Variants in ROBO1 observed in about 807,000 individuals in gnomAD.
ROBO1 encodes roundabout homolog 1.
Under a neutral mutation model 195.9 loss-of-function variants are expected in ROBO1, and 149 were observed. The ratio of observed to expected loss-of-function variants is 0.76; its 90% CI spans 0.67 to 0.87. The LOEUF (loss-of-function observed/expected upper bound fraction) is 0.87. Ranked by LOEUF, ROBO1 falls within the 40% of genes least tolerant of loss-of-function variation. The pLI, the probability that ROBO1 is intolerant of heterozygous loss-of-function variation, is 0.00. For missense variants in ROBO1, 1,933 were observed against 2,068.3 expected (o/e 0.93, Z 1.27); for synonymous variants, 816 against 733.2 (o/e 1.11, Z -1.82).
intron 3 of ROBO1, among the ~76,000 whole-genome samples, chr3:79,080,321 G>T (rs2108459945): frequency 1.3e-5 from 2 of 151,842 alleles, no homozygotes; most frequent in Middle Eastern, 3.4e-3. Flanking sequence ...GAAATTGAGA[G>T]CTGTCTTCTC....
intron 1 of ROBO1, among the ~76,000 whole-genome samples, chr3:79,740,034 A>G (rs3924599): frequency 0.59 from 88,536 of 150,996 alleles, 26,140 homozygotes; most frequent in South Asian, 0.69. Context: ...TTATTTTATG[A>G]CATAGCATTT....
At chr3:79,504,667 C>T (rs1026933119) in intron 2 of ROBO1, among the ~76,000 whole-genome samples, 1 of 152,088 alleles carries the variant, frequency 6.6e-6, no homozygotes, top group Non-Finnish European at 1.5e-5. Flanking sequence ...ATACTTATCT[C>T]TTAATTACTT....
chr3:78,670,697 T>C (rs1056441887), intron 10 of ROBO1, among the ~76,000 whole-genome samples: 1 of 152,128 alleles, frequency 6.6e-6, no homozygotes, highest in Non-Finnish European at 1.5e-5. Context: ...ATGAGATAAA[T>C]TTTAATAAAT....
At chr3:79,765,286 T>C (rs1349461596) in intron 1 of ROBO1, among the ~76,000 whole-genome samples, 1 of 152,230 alleles carries the variant, frequency 6.6e-6, no homozygotes, top group Non-Finnish European at 1.5e-5. Flanking sequence ...TTAGATATCC[T>C]AATTTTTATC....
chr3:78,648,632 ACT>A (rs1398834406), intron 19 of ROBO1, among the ~76,000 whole-genome samples: 1 of 151,742 alleles, frequency 6.6e-6, no homozygotes, highest in Non-Finnish European at 1.5e-5. Flanking sequence ...GAGGAGATTG[ACT>A]TATTTCCAAT....
rs147500752 is a variant in ROBO1, at chr3:79,038,703, A to G, written c.172+86753T>C. 2.4e-4 allele frequency among the ~76,000 whole-genome samples: 36 copies of G among 149,804 alleles called. 1 individual carries two copies. The East Asian group carries it at 6.4e-3, about 27-fold the overall frequency. On this transcript the variant is annotated intron_variant, in intron 3 of 30. Transcript: ENST00000464233. Reference sequence around the variant, plus strand: ...TCTATGAAACATTAAAACTGCAAGCAAAGTCCAATTTAAAAAAAAAAAAAA... The same window carrying G: ...TCTATGAAACATTAAAACTGCAAGCGAAGTCCAATTTAAAAAAAAAAAAAA...
intron 2 of ROBO1, among the ~76,000 whole-genome samples, chr3:79,373,280 GTT>G (rs149920748): frequency 6.7e-6 from 1 of 149,614 alleles, no homozygotes; most frequent in South Asian, 2.1e-4. Context: ...TGTAAAACAC[GTT>G]TTTTTTTTCC....
intron 1 of ROBO1, among the ~76,000 whole-genome samples, chr3:79,732,473 C>G (rs1401764456): frequency 6.6e-6 from 1 of 152,104 alleles, no homozygotes; most frequent in Non-Finnish European, 1.5e-5. Context: ...AATAAAATTT[C>G]TTCCATGACT....
At chr3:78,655,025 A>C (rs1194603483) in intron 18 of ROBO1, among the ~76,000 whole-genome samples, 1 of 152,220 alleles carries the variant, frequency 6.6e-6, no homozygotes, top group African/African-American at 2.4e-5. Flanking sequence ...CAGATGCATC[A>C]AGCAACTTAT....
chr3:78,896,275 A>G (rs562632153), intron 4 of ROBO1, among the ~76,000 whole-genome samples: 2 of 152,168 alleles, frequency 1.3e-5, no homozygotes, highest in Non-Finnish European at 2.9e-5. Context: ...GGAGATAGTA[A>G]CAACACTCAA....
intron 8 of ROBO1, among the ~76,000 whole-genome samples, chr3:78,695,473 A>C (rs532203928): frequency 2.0e-5 from 3 of 151,772 alleles, no homozygotes; most frequent in Non-Finnish European, 4.4e-5. Flanking sequence ...AAATTACAAA[A>C]AGTTACCCAG....
chr3:79,450,141 C>G (rs1189824448), intron 2 of ROBO1, among the ~76,000 whole-genome samples: 1 of 149,240 alleles, frequency 6.7e-6, no homozygotes, highest in Non-Finnish European at 1.5e-5. Flanking sequence ...AAAAAAAAGA[C>G]TGGGGTAAGG....
At chr3:79,311,323 C>G (rs1029885131) in intron 2 of ROBO1, among the ~76,000 whole-genome samples, 1 of 152,166 alleles carries the variant, frequency 6.6e-6, no homozygotes, top group Middle Eastern at 3.4e-3. Flanking sequence ...AAGCAATATT[C>G]TATATCATAA....
At position 78,787,649 on chromosome 3, in the gene ROBO1, A is replaced by G. The variant is rs891847609; in HGVS notation, c.500-40749T>C. 2.0e-5 allele frequency among the ~76,000 whole-genome samples: 3 copies of G among 152,192 alleles called. No homozygotes were observed. The South Asian group carries it at 6.2e-4, about 31-fold the overall frequency. ...ACAGCTAGTTTAAAAATTACAGTGG[A>G]AAAGATCACTCTGGTCAGGTGCGGT... On this transcript the variant is annotated intron_variant, in intron 4 of 30. Coordinates refer to ENST00000464233, the MANE Select transcript of ROBO1 (RefSeq NM_002941.4).
chr3:78,776,885 A>T (rs1330762142), intron 4 of ROBO1, among the ~76,000 whole-genome samples: 1 of 152,214 alleles, frequency 6.6e-6, no homozygotes, highest in Non-Finnish European at 1.5e-5. Flanking sequence ...ACTTTATGAG[A>T]GAATTATTGT....
At chr3:79,739,793 A>C (rs1703546269) in intron 1 of ROBO1, among the ~76,000 whole-genome samples, 1 of 152,190 alleles carries the variant, frequency 6.6e-6, no homozygotes, top group South Asian at 2.1e-4. Flanking sequence ...GGTCCAGTTT[A>C]GTACTCATAA....
intron 2 of ROBO1, among the ~76,000 whole-genome samples, chr3:79,373,632 T>C (rs2036281382): frequency 6.6e-6 from 1 of 152,238 alleles, no homozygotes; most frequent in African/African-American, 2.4e-5. Context: ...TATGGAATTG[T>C]ATCTGATCTT....
At chr3:79,495,924 A>G (rs866604872) in intron 2 of ROBO1, among the ~76,000 whole-genome samples, 1 of 152,120 alleles carries the variant, frequency 6.6e-6, no homozygotes, top group Admixed American at 6.5e-5. Context: ...AAAAAATGAC[A>G]TAGGTAGGCC....
Position 79,350,910 on chromosome 3 carries a change from G to A in ROBO1, c.89-225371C>T, listed in dbSNP as rs918212575. ...ACAGGCACCATCACAATGTACTACA[G>A]CCCCTAACTCCTGGCCTCAATTGAT... On this transcript the variant is annotated intron_variant, in intron 2 of 30. Transcript: ENST00000464233. 3.3e-5 allele frequency among the ~76,000 whole-genome samples: 5 copies of A among 152,164 alleles called. No individual in the cohort carries two copies. The South Asian group carries it at 8.3e-4, about 25-fold the overall frequency.
Sources: allele counts gnomAD v4.1 joint callset (sites outside exome capture counted in the v4.1 genomes callset), GRCh38; gene constraint gnomAD v4.1.1; transcripts MANE v1.5; gene names NCBI Gene and HGNC (gene_info 2026-07-23, HGNC 2026-07-21).